Variants in BAIAP2L2 observed in about 807,000 individuals in gnomAD.
BAIAP2L2 encodes BAR/IMD domain containing adaptor protein 2 like 2.
In BAIAP2L2, 65 loss-of-function variants were observed where a neutral mutation model predicts 60.4. The observed-to-expected ratio is 1.08, with a 90% CI of 0.88 to 1.32. BAIAP2L2 has a LOEUF of 1.32. BAIAP2L2 is among the 40% of genes most tolerant of loss of function. BAIAP2L2 has a pLI of 0.00. For synonymous variants in BAIAP2L2, 344 were observed against 301.7 expected (o/e 1.14, Z -1.45); for missense variants, 836 against 741.2 (o/e 1.13, Z -1.48).
chr22:38,087,222 C>A lies in BAIAP2L2; in HGVS notation c.1161G>T (p.Glu387Asp), dbSNP rs745599388. Residue 387 changes from glutamate to aspartate, a missense_variant, in exon 11 of 14, where the codon GAG becomes GAT. Physicochemically the swap from Glu to Asp is conservative, Grantham distance 45. Transcript: ENST00000381669. ...FPEAYVKALE[E>D]GPVNPMTPVT... ...CGGGGGTCATGGGATTCACGGGCCC[C>A]TCCTCCAGAGCCTTCACGTACGCCT... 6.2e-7 allele frequency: 1 copy of A among 1,606,094 alleles called. No individual in the cohort carries two copies. The highest frequency in any genetic ancestry group is 8.5e-7 in the Non-Finnish European group (1 of 1,176,764).
chr22:38,110,177 C>T (rs2086810857), intron 1 of BAIAP2L2, among the ~76,000 whole-genome samples: 1 of 96,554 alleles, frequency 1.0e-5, no homozygotes, highest in Non-Finnish European at 2.2e-5. Flanking sequence ...GAGGGAGGGT[C>T]TTTCTTTATT....
rs370080453 is a variant in BAIAP2L2 at position 38,088,815 on chromosome 22, C to T, written c.1051G>A (p.Val351Met). ...GCCTCGGGCACCAACACCTCCACCACGTCCCCAGCGGAGAAGCGCAGCAGC... is the reference window on the plus strand; with the variant it reads ...GCCTCGGGCACCAACACCTCCACCATGTCCCCAGCGGAGAAGCGCAGCAGC... ...HTLLRFSAGD[V>M]VEVLVPEAQN... Residue 351 changes from valine to methionine, a missense_variant, in exon 10 of 14, where the codon GTG becomes ATG. Physicochemically the swap from Val to Met is conservative, Grantham distance 21. Transcript: ENST00000381669. The T allele has an allele frequency of 8.7e-6, 14 of 1,601,080 alleles. No homozygotes were observed. The Admixed American group carries it at 1.5e-4, about 17-fold the overall frequency.
Position 38,109,153 on chromosome 22 carries a change from T to C in BAIAP2L2, c.107A>G (p.Asn36Ser). The part of the protein sequence containing the change: ...ALENLVYLGN[N>S]YLRAFHALSE... ...CTCACCGTGGAAGGCACGCAGGTAG[T>C]TGTTGCCCAGGTACACCAGGTTCTC... The change falls in exon 2 of 14, where the codon AAC becomes AGC. Residue 36 changes from asparagine (N) to serine (S), a missense_variant. Transcript: ENST00000381669. 1 of 1,612,906 alleles carries C rather than the reference T, an allele frequency of 6.2e-7. No homozygotes were observed. Among genetic ancestry groups the C allele is most frequent in the Non-Finnish European group, 8.5e-7 (1 of 1,179,608 alleles).
At position 38,086,421 on chromosome 22, in the gene BAIAP2L2, G is replaced by T; in HGVS notation, c.1288C>A (p.Leu430Ile). 6.6e-7 allele frequency: 1 copy of T among 1,524,106 alleles called. No individual in the cohort carries two copies. Among genetic ancestry groups the T allele is most frequent in the East Asian group, 2.4e-5 (1 of 41,248 alleles). 94.4% of individuals were successfully genotyped at this position (1,524,106 alleles called of 1,614,324 possible). ...CCCGGCCGGTCCAGGAGGTCATCGA[G>T]GCTGTGGCTGCCCCGGAGTGGGTAG... ...RSYPLRGSHS[L>I]DDLLDRPGNS... The change falls in exon 12 of 14, where the codon CTC (leucine) becomes ATC (isoleucine). Residue 430 changes from leucine to isoleucine, a missense_variant. Transcript: ENST00000381669.
At position 38,108,293 on chromosome 22, in the gene BAIAP2L2, C is replaced by T. The variant is rs752362543; in HGVS notation, c.176G>A (p.Gly59Glu). 2.5e-6 allele frequency: 4 copies of T among 1,612,756 alleles called. No individual in the cohort carries two copies. The highest frequency in any genetic ancestry group is 2.2e-5 in the East Asian group (1 of 44,868). ...EVYFSAIQKI[G>E]ERALQSPTSQ... ...GGTGGGGCTCTGCAGGGCACGCTCC[C>T]CAATCTTCTGGATGGCACTGAAGTA... Residue 59 changes from glycine (G) to glutamate (E), a missense_variant, in exon 3 of 14, where the codon GGG becomes GAG. Physicochemically the swap from Gly to Glu is moderately conservative, Grantham distance 98 (BLOSUM62 -2). Transcript: ENST00000381669.
chr22:38,099,071 C>T lies in BAIAP2L2; in HGVS notation c.277-589G>A, dbSNP rs149476227. The stretch of plus-strand genomic sequence containing the variant: ...GGTCTCAGATGGGCCTGGGAGGTGA[C>T]AGGTTCCCATGGCAAGTGGATGTCT... On this transcript the variant is annotated intron_variant, in intron 4 of 13. Transcript: ENST00000381669. Among the ~76,000 whole-genome samples, 352 of 152,336 alleles carry T rather than the reference C, an allele frequency of 2.3e-3. 1 individual carries two copies. Among genetic ancestry groups the T allele is most frequent in the African/African-American group, 8.1e-3 (338 of 41,574 alleles).
rs1192280675 is a variant in BAIAP2L2, at chr22:38,085,068, G to A, written c.*232C>T. The A allele has an allele frequency of 7.8e-6, 4 of 513,462 alleles. No individual in the cohort carries two copies. Among genetic ancestry groups the A allele is most frequent in the African/African-American group, 2.0e-5 (1 of 51,052 alleles). The allele number at this position is 513,462 out of a possible 1,614,324, so 31.8% of individuals were successfully genotyped here. A position where few individuals can be genotyped will look rare whatever the true frequency, so the allele number is the denominator to read the frequency against. ...CAGGGAGAGTCCTGGAGCCCCTGGAGGGGGAGAAATTGTCCTGTCCCCCCA... is the reference window on the plus strand; with the variant it reads ...CAGGGAGAGTCCTGGAGCCCCTGGAAGGGGAGAAATTGTCCTGTCCCCCCA... On this transcript the variant is annotated 3_prime_UTR_variant, in exon 14 of 14. Transcript: ENST00000381669.
At chr22:38,087,012 A>AC (rs1569215356) in intron 11 of BAIAP2L2, 112 bp downstream of exon 11, 3 of 1,294,554 alleles carry the variant, frequency 2.3e-6, no homozygotes, top group Non-Finnish European at 3.0e-6. Context: ...AAAAAAACAA[A>AC]ACAAAACAAA....
Position 38,085,087 on chromosome 22 carries a change from C to A in BAIAP2L2, c.*213G>T. The A allele has an allele frequency of 1.9e-6, 1 of 537,780 alleles. No individual in the cohort carries two copies. Among genetic ancestry groups the A allele is most frequent in the Admixed American group, 3.2e-5 (1 of 31,390 alleles). The allele number at this position is 537,780 out of a possible 1,614,324, so 33.3% of individuals were successfully genotyped here. ...CCTGGAGGGGGAGAAATTGTCCTGT[C>A]CCCCCATTCCGCCTGCTTTACTTTG... is the stretch of plus-strand genomic sequence containing the variant. On this transcript the variant is annotated 3_prime_UTR_variant, in exon 14 of 14. Coordinates refer to ENST00000381669, the MANE Select transcript of BAIAP2L2 (RefSeq NM_025045.6).
At chr22:38,107,367 C>CG (rs1277994721) in intron 4 of BAIAP2L2, among the ~76,000 whole-genome samples, 1 of 152,162 alleles carries the variant, frequency 6.6e-6, no homozygotes, top group South Asian at 2.1e-4. Context: ...CCCACTCTTC[C>CG]GGGGGGCTGG....
chr22:38,110,039 C>A (rs13055848), intron 1 of BAIAP2L2, among the ~76,000 whole-genome samples: 1 of 10,712 alleles, frequency 9.3e-5, no homozygotes, highest in Non-Finnish European at 1.7e-4. Flanking sequence ...GAGACAGAGA[C>A]AGGGAGAGAC....
chr22:38,105,637 C>T lies in BAIAP2L2; in HGVS notation c.276+2215G>A, dbSNP rs374450572. On this transcript the variant is annotated intron_variant, in intron 4 of 13. Transcript: ENST00000381669. ...GGATTACAAGCGTGAGCCACTGCGC[C>T]GGGACCTTTAGGCCTTTTTCAGTGT... 9.5e-4 allele frequency among the ~76,000 whole-genome samples: 145 copies of T among 152,276 alleles called. 1 individual carries two copies. Among genetic ancestry groups the T allele is most frequent in the African/African-American group, 3.4e-3 (141 of 41,552 alleles).
Position 38,109,133 on chromosome 22 carries a change from C to A in BAIAP2L2, c.127G>T (p.Ala43Ser). 1 of 1,611,452 alleles carries A rather than the reference C, an allele frequency of 6.2e-7. No individual in the cohort carries two copies. The highest frequency in any genetic ancestry group is 8.5e-7 in the Non-Finnish European group (1 of 1,178,750). Residue 43 changes from alanine (A) to serine (S), a missense_variant and splice_region_variant, in exon 2 of 14, where the codon GCT becomes TCT. By Grantham distance (99) the Ala-to-Ser change is moderately conservative. Coordinates refer to ENST00000381669, the MANE Select transcript of BAIAP2L2 (RefSeq NM_025045.6). ...LGNNYLRAFH[A>S]LSEAAEVYFS... ...CTCGGTGGCCCGGGCAGGCACTCAC[C>A]GTGGAAGGCACGCAGGTAGTTGTTG...
rs557742011 is a variant in BAIAP2L2, at chr22:38,092,451, A to G, written c.613-2777T>C. On this transcript the variant is annotated intron_variant, in intron 7 of 13. Transcript: ENST00000381669. ...GCCACCATTCCTGACTAATTTTTGT[A>G]TTTTTAGTAGAGACGGGGTTTCACC... is the stretch of plus-strand genomic sequence containing the variant. Among the ~76,000 whole-genome samples the G allele has an allele frequency of 3.6e-4, 55 of 152,036 alleles. No homozygotes were observed. The South Asian group carries it at 0.011, about 29-fold the overall frequency.
chr22:38,098,138 C>T lies in BAIAP2L2; in HGVS notation c.390G>A (p.Ala130=). 2 of 1,614,076 alleles carry T rather than the reference C, an allele frequency of 1.2e-6. No homozygotes were observed. Among genetic ancestry groups the T allele is most frequent in the East Asian group, 4.5e-5 (2 of 44,882 alleles). ...QHYELEYRHR[A]ANLEKCMSEL... The stretch of plus-strand genomic sequence containing the variant: ...CAGACATGCACTTCTCCAGGTTGGC[C>T]GCTCGGTGGCGGTACTCGAGCTCAT... The change falls in exon 6 of 14, where the codon GCG becomes GCA. Residue 130 remains alanine, a synonymous_variant. Transcript: ENST00000381669.
At chr22:38,105,226 GC>G (rs1249935283) in intron 4 of BAIAP2L2, among the ~76,000 whole-genome samples, 1 of 152,004 alleles carries the variant, frequency 6.6e-6, no homozygotes, top group Non-Finnish European at 1.5e-5. Flanking sequence ...TCTGAGACTT[GC>G]CCTCTACTGC....
chr22:38,110,728 G>C (rs1048247853), upstream of BAIAP2L2: 1 of 556,244 alleles, frequency 1.8e-6, no homozygotes, highest in African/African-American at 1.9e-5. Context: ...TGTGATCTGG[G>C]GCGTAACCAG....
intron 4 of BAIAP2L2, among the ~76,000 whole-genome samples, chr22:38,105,648 G>A (rs578222240): frequency 1.3e-5 from 2 of 151,928 alleles, no homozygotes; most frequent in African/African-American, 2.4e-5. Context: ...GGGACCTTTA[G>A]GCCTTTTTCA....
intron 4 of BAIAP2L2, among the ~76,000 whole-genome samples, chr22:38,105,751 G>A (rs947583416): frequency 1.3e-5 from 2 of 152,096 alleles, no homozygotes; most frequent in Non-Finnish European, 2.9e-5. Context: ...AACGTGTTAC[G>A]TATCGATTCA....
Sources: allele counts gnomAD v4.1 joint callset (sites outside exome capture counted in the v4.1 genomes callset), GRCh38; gene constraint gnomAD v4.1.1; transcripts MANE v1.5; gene names NCBI Gene and HGNC (gene_info 2026-07-23, HGNC 2026-07-21).